The following SCN11A variants were observed in gnomAD, a reference collection of about 807,000 sequenced individuals.
The protein encoded by SCN11A is sodium voltage-gated channel alpha subunit 11.
Under a neutral mutation model 162.2 loss-of-function variants are expected in SCN11A, and 122 were observed. The observed-to-expected ratio is 0.75, with a 90% CI of 0.65 to 0.87. The LOEUF (loss-of-function observed/expected upper bound fraction) is 0.87, where lower values mean the gene tolerates loss of function less well. SCN11A is among the 40% of genes least tolerant of loss of function. The probability of loss-of-function intolerance (pLI) is 0.00; values close to 1 mark genes in which losing one functional copy is unlikely to be tolerated. For synonymous variants in SCN11A, 758 were observed against 751.5 expected (o/e 1.01, Z -0.14); for missense variants, 2,015 against 2,181.6 (o/e 0.92, Z 1.52).
chr3:38,929,172 C>CACACACACACACACACACACACAT (rs139558791), intron 7 of SCN11A, among the ~76,000 whole-genome samples: 11 of 79,748 alleles, frequency 1.4e-4, no homozygotes, highest in African/African-American at 2.8e-4. Context: ...CACACACACA[C>CACACACACACACACACACACACAT]ATGTTTGGGA....
intron 19 of SCN11A, among the ~76,000 whole-genome samples, chr3:38,888,803 A>G (rs1185877363): frequency 6.6e-6 from 1 of 151,954 alleles, no homozygotes; most frequent in African/African-American, 2.4e-5. Flanking sequence ...CCATGATCTG[A>G]CCTCTCCCCC....
chr3:38,965,701 C>T (rs1222862997), intron 2 of SCN11A, among the ~76,000 whole-genome samples: 1 of 151,464 alleles, frequency 6.6e-6, no homozygotes, highest in Non-Finnish European at 1.5e-5. Flanking sequence ...CTTTCTTTTT[C>T]TTTTTTTTTC....
intron 9 of SCN11A, among the ~76,000 whole-genome samples, chr3:38,924,642 G>C (rs902891792): frequency 1.2e-4 from 18 of 152,158 alleles, no homozygotes; most frequent in African/African-American, 4.1e-4. Context: ...CAAAGTGTTG[G>C]GATTACAGGA....
At chr3:38,974,511 C>T (rs954737058) in intron 2 of SCN11A, among the ~76,000 whole-genome samples, 3 of 151,678 alleles carry the variant, frequency 2.0e-5, no homozygotes, top group Non-Finnish European at 4.4e-5. Flanking sequence ...CTGGCTAACA[C>T]GGTGAAACCC....
chr3:38,951,459 C>G (rs953633022), intron 4 of SCN11A, among the ~76,000 whole-genome samples: 14 of 152,222 alleles, frequency 9.2e-5, no homozygotes, highest in South Asian at 6.2e-4. Flanking sequence ...CCTGTGCGGC[C>G]GGAGCCTCCC....
At chr3:38,973,275 A>G (rs2066828468) in intron 2 of SCN11A, among the ~76,000 whole-genome samples, 1 of 152,192 alleles carries the variant, frequency 6.6e-6, no homozygotes, top group African/African-American at 2.4e-5. Context: ...TATTCGTTTG[A>G]ATACACTTTT....
At chr3:38,985,912 G>A (rs1288041848) in intron 2 of SCN11A, among the ~76,000 whole-genome samples, 1 of 150,882 alleles carries the variant, frequency 6.6e-6, no homozygotes, top group Non-Finnish European at 1.5e-5. Context: ...TTAGCTAGTT[G>A]GTCTTGGTTG....
chr3:38,865,228 T>C (rs563979254), intron 27 of SCN11A, among the ~76,000 whole-genome samples: 2 of 152,330 alleles, frequency 1.3e-5, no homozygotes, highest in East Asian at 3.9e-4. Flanking sequence ...TGAGATTTTC[T>C]GTAATAAAAA....
chr3:38,974,999 G>T (rs577521056), intron 2 of SCN11A, among the ~76,000 whole-genome samples: 1 of 150,330 alleles, frequency 6.7e-6, no homozygotes, highest in Non-Finnish European at 1.5e-5. Flanking sequence ...ACCAATGAAC[G>T]GCAATTTAAT....
intron 13 of SCN11A, among the ~76,000 whole-genome samples, chr3:38,908,426 A>G (rs1047891278): frequency 6.6e-6 from 1 of 152,186 alleles, no homozygotes; most frequent in African/African-American, 2.4e-5. Flanking sequence ...GATAGTGCAG[A>G]TGTTAAGCAC....
At chr3:38,878,164 A>G (rs1314679177) in intron 23 of SCN11A, among the ~76,000 whole-genome samples, 1 of 127,128 alleles carries the variant, frequency 7.9e-6, no homozygotes, top group Non-Finnish European at 1.6e-5. Context: ...AGCCTATTGA[A>G]ATATAATAAA....
At chr3:39,042,391 G>C (rs2032069287) in intron 1 of SCN11A, among the ~76,000 whole-genome samples, 1 of 152,112 alleles carries the variant, frequency 6.6e-6, no homozygotes, top group South Asian at 2.1e-4. Context: ...ATTTCTACAA[G>C]AAAAACATTG....
At chr3:39,019,629 T>C (rs1260911164) in intron 2 of SCN11A, among the ~76,000 whole-genome samples, 1 of 152,230 alleles carries the variant, frequency 6.6e-6, no homozygotes, top group East Asian at 1.9e-4. Flanking sequence ...ATCCAGTTTC[T>C]GTTATGCCAT....
At chr3:38,944,047 G>A (rs190081127) in intron 7 of SCN11A, among the ~76,000 whole-genome samples, 87 of 152,280 alleles carry the variant, frequency 5.7e-4, no homozygotes, top group African/African-American at 2.0e-3. Context: ...TCATTACACA[G>A]TGTATGCATG....
intron 2 of SCN11A, among the ~76,000 whole-genome samples, chr3:38,997,832 T>C (rs1450529267): frequency 6.6e-6 from 1 of 152,234 alleles, no homozygotes; most frequent in African/African-American, 2.4e-5. Context: ...GTCTGCAGTA[T>C]CACATAATAC....
intron 23 of SCN11A, among the ~76,000 whole-genome samples, chr3:38,876,564 T>G (rs1249024208): frequency 1.3e-5 from 2 of 152,086 alleles, no homozygotes; most frequent in African/African-American, 2.4e-5. Flanking sequence ...GAATGGACAA[T>G]TCTCAAAAGA....
At chr3:38,860,955 C>T (rs2064953849) in intron 28 of SCN11A, among the ~76,000 whole-genome samples, 1 of 152,068 alleles carries the variant, frequency 6.6e-6, no homozygotes, top group South Asian at 2.1e-4. Flanking sequence ...CAAACTATTG[C>T]TATTTGCCAA....
In SCN11A at chr3:38,870,867, A is replaced by G. The variant is rs1262239803; in HGVS notation, c.3760-123T>C. ...ATATAAGATGATACCCCAACCTTCT[A>G]GGACAGGATGCTCAAATAAAAGAAC... On this transcript the variant is annotated intron_variant, in intron 25 of 29. Transcript: ENST00000302328. 1.1e-5 allele frequency: 8 copies of G among 707,576 alleles called. No homozygotes were observed. In the Admixed American group the frequency reaches 1.7e-4, roughly 15 times the overall value. 43.8% of individuals were successfully genotyped at this position (707,576 alleles called of 1,614,324 possible).
chr3:38,863,182 C>G lies in SCN11A; in HGVS notation c.4056+13G>C. 2.1e-6 allele frequency: 3 copies of G among 1,412,838 alleles called. No individual in the cohort carries two copies. The highest frequency in any genetic ancestry group is 3.0e-6 in the Non-Finnish European group (3 of 997,498). 87.5% of individuals were successfully genotyped at this position (1,412,838 alleles called of 1,614,324 possible). A position where few individuals can be genotyped will look rare whatever the true frequency, so the allele number is the denominator to read the frequency against. ...ACTGTTCTACATATTTACAGTCATT[C>G]AATTGCTCTCACCAGAGGCCGTGGA... On this transcript the variant is annotated intron_variant, in intron 28 of 29. Coordinates refer to ENST00000302328, the MANE Select transcript of SCN11A (RefSeq NM_001349253.2).
Sources: gnomAD v4.1 joint callset for allele counts (sites outside exome capture counted in the v4.1 genomes callset) on GRCh38, gnomAD v4.1.1 for gene constraint, MANE v1.5 for transcripts, NCBI Gene and HGNC (gene_info 2026-07-23, HGNC 2026-07-21) for gene names.